PLEKHA6: variants seen among roughly 807,000 people sequenced by gnomAD.
The protein encoded by PLEKHA6 is pleckstrin homology domain-containing family A member 6.
PLEKHA6 carries 60 observed loss-of-function variants against 116.7 expected under a neutral mutation model. That is an observed-to-expected ratio of 0.51 (90% CI 0.42 to 0.64). PLEKHA6 has a LOEUF of 0.64. Among genes scored for constraint, PLEKHA6 ranks in the 30% least tolerant of loss-of-function variants. The probability of loss-of-function intolerance (pLI) is 0.00; values close to 1 mark genes in which losing one functional copy is unlikely to be tolerated. For missense variants in PLEKHA6, 1,338 were observed against 1,422.7 expected, an observed-to-expected ratio of 0.94 and a Z score of 0.96; for synonymous variants, 489 against 556.1, an observed-to-expected ratio of 0.88 and a Z score of 1.70.
intron 1 of PLEKHA6, among the ~76,000 whole-genome samples, chr1:204,284,588 A>T (rs1328016238): frequency 6.6e-6 from 1 of 152,132 alleles, no homozygotes; most frequent in Non-Finnish European, 1.5e-5. Flanking sequence ...GACTGTGCCT[A>T]GGAGAGCACT....
At chr1:204,354,890 G>T (rs1200683996) in intron 1 of PLEKHA6, among the ~76,000 whole-genome samples, 1 of 152,254 alleles carries the variant, frequency 6.6e-6, no homozygotes, top group Non-Finnish European at 1.5e-5. Flanking sequence ...GCGGACAGGG[G>T]CTGCAGGAGT....
rs1276552889 is a variant in PLEKHA6 at position 204,223,422 on chromosome 1, C to T, written c.*8+40G>A. On this transcript the variant is annotated intron_variant, in intron 22 of 22. Transcript: ENST00000272203. The surrounding 1 kb of genome is among the most constrained non-coding windows in gnomAD (Gnocchi z 4.8). ...TCAATGGGGGTGAAGGAAGGGGCCC[C>T]ACTCCCGAGGTGGATGAAATACAGT... is the stretch of plus-strand genomic sequence containing the variant. 1 of 1,148,970 alleles carries T rather than the reference C, an allele frequency of 8.7e-7. No individual in the cohort carries two copies. The highest frequency in any genetic ancestry group is 1.3e-6 in the Non-Finnish European group (1 of 779,102). 71.2% of individuals were successfully genotyped at this position (1,148,970 alleles called of 1,614,324 possible). A position where few individuals can be genotyped will look rare whatever the true frequency, so the allele number is the denominator to read the frequency against.
intron 1 of PLEKHA6, among the ~76,000 whole-genome samples, chr1:204,293,903 G>A (rs2103043096): frequency 6.6e-6 from 1 of 152,308 alleles, no homozygotes; most frequent in East Asian, 1.9e-4. Flanking sequence ...AGACTGAGAG[G>A]AAAGAGACAT....
Position 204,267,543 on chromosome 1 carries a change from C to A in PLEKHA6, c.212G>T (p.Ser71Ile). The A allele has an allele frequency of 1.9e-6, 3 of 1,613,892 alleles. No individual in the cohort carries two copies. The highest frequency in any genetic ancestry group is 2.5e-6 in the Non-Finnish European group (3 of 1,179,782). The change falls in exon 5 of 23, where the codon AGC (serine) becomes ATC (isoleucine). Residue 71 changes from serine (S) to isoleucine (I), a missense_variant. Ser to Ile is a moderately radical substitution (Grantham distance 142, BLOSUM62 -2). Transcript: ENST00000272203. The stretch of plus-strand genomic sequence containing the variant: ...CTTGTTCCACTGCTTAACCCCGGAG[C>A]TGGCCTGCGGGACATGGGAGAGGCA... ...TKAGWLFKQA[S>I]SGVKQWNKRW...
rs565786030 is a variant in PLEKHA6 at position 204,374,620 on chromosome 1, A to G, written c.83+2963T>C. Among the ~76,000 whole-genome samples the G allele has an allele frequency of 9.5e-4, 144 of 152,134 alleles. 3 individuals are homozygous for G. In the South Asian group the frequency reaches 0.028, roughly 29 times the overall value. On this transcript the variant is annotated intron_variant, in intron 1 of 4. Coordinates refer to the PLEKHA6 transcript ENST00000564627. ...GTCCCCCTCCTCTTCCATCTTTTAT[A>G]GAACCTCCTTCTGTTGAGCATCCCA...
At chr1:204,278,409 C>A (rs1668242541) in intron 1 of PLEKHA6, among the ~76,000 whole-genome samples, 1 of 152,100 alleles carries the variant, frequency 6.6e-6, no homozygotes, top group African/African-American at 2.4e-5. Flanking sequence ...CTTTTTTGAC[C>A]AACGTGGTTC....
chr1:204,248,155 C>CTTTTTTT (rs34335278), intron 12 of PLEKHA6, among the ~76,000 whole-genome samples: 9 of 95,232 alleles, frequency 9.5e-5, no homozygotes, highest in African/African-American at 1.8e-4. Context: ...GGGCAGCAGC[C>CTTTTTTT]TTTTTTTTTT....
intron 13 of PLEKHA6, among the ~76,000 whole-genome samples, chr1:204,246,374 A>G (rs367549357): frequency 6.6e-6 from 1 of 152,206 alleles, no homozygotes; most frequent in South Asian, 2.1e-4. Flanking sequence ...CCATCATCTC[A>G]ATATGGGTCT....
chr1:204,275,473 G>A (rs1189244464), intron 1 of PLEKHA6, among the ~76,000 whole-genome samples: 1 of 152,214 alleles, frequency 6.6e-6, no homozygotes, highest in East Asian at 1.9e-4. Flanking sequence ...GCTGTGGCCA[G>A]GAGAGGGGCA....
chr1:204,264,500 C>T (rs1260066625), intron 6 of PLEKHA6, among the ~76,000 whole-genome samples: 1 of 152,138 alleles, frequency 6.6e-6, no homozygotes, highest in Non-Finnish European at 1.5e-5. Flanking sequence ...GTCCAGTTTC[C>T]TGAAACCACG....
At chr1:204,327,503 G>A (rs568571740) in intron 1 of PLEKHA6, among the ~76,000 whole-genome samples, 7 of 152,366 alleles carry the variant, frequency 4.6e-5, no homozygotes, top group South Asian at 4.1e-4. Context: ...TCTCTGGCCC[G>A]CTGAGGCCCA....
At chr1:204,352,992 A>G (rs1433853331) in intron 1 of PLEKHA6, among the ~76,000 whole-genome samples, 3 of 152,186 alleles carry the variant, frequency 2.0e-5, no homozygotes, top group Non-Finnish European at 4.4e-5. Context: ...CTCAAAAATA[A>G]ATAAATCAAA....
At chr1:204,312,881 C>CTTTTA (rs1671710547) in intron 1 of PLEKHA6, among the ~76,000 whole-genome samples, 1 of 139,818 alleles carries the variant, frequency 7.2e-6, no homozygotes, top group Non-Finnish European at 1.5e-5. Context: ...CTTTTCTTTT[C>CTTTTA]TTTTCTTTTT....
intron 15 of PLEKHA6, among the ~76,000 whole-genome samples, chr1:204,244,306 A>ATGT (rs1222667283): frequency 2.8e-5 from 4 of 141,310 alleles, no homozygotes; most frequent in African/African-American, 5.2e-5. Context: ...TAATTTTTGT[A>ATGT]TTTTTTTTTT....
At chr1:204,320,430 C>T (rs941958008) in intron 1 of PLEKHA6, 12 of 935,716 alleles carry the variant, frequency 1.3e-5, no homozygotes, top group African/African-American at 5.3e-5. Flanking sequence ...GCTCAGCTCC[C>T]CAGGAGACTG....
At chr1:204,308,594 A>AG (rs1347353953) in intron 1 of PLEKHA6, among the ~76,000 whole-genome samples, 1 of 151,928 alleles carries the variant, frequency 6.6e-6, no homozygotes, top group Non-Finnish European at 1.5e-5. Context: ...ACATGTATAC[A>AG]GGGGCACATG....
chr1:204,296,780 G>A (rs949622815), intron 1 of PLEKHA6, among the ~76,000 whole-genome samples: 7 of 152,160 alleles, frequency 4.6e-5, no homozygotes, highest in Non-Finnish European at 8.8e-5. Flanking sequence ...GAAGTGCTCC[G>A]TTCTCCAGCC....
At chr1:204,253,269 C>T (rs1263627289) in intron 9 of PLEKHA6, among the ~76,000 whole-genome samples, 6 of 151,904 alleles carry the variant, frequency 3.9e-5, no homozygotes, top group African/African-American at 1.2e-4. Context: ...CTACAATGCC[C>T]ATTTTATGAT....
intron 3 of PLEKHA6, among the ~76,000 whole-genome samples, chr1:204,270,925 T>C (rs1002272036): frequency 2.0e-5 from 3 of 152,174 alleles, no homozygotes; most frequent in Non-Finnish European, 4.4e-5. Context: ...CCGTCTTCCC[T>C]TGGCCACTGT....
Sources: allele counts gnomAD v4.1 joint callset (sites outside exome capture counted in the v4.1 genomes callset), GRCh38; gene constraint gnomAD v4.1.1; non-coding constraint Gnocchi (gnomAD v3.1); transcripts MANE v1.5; gene names NCBI Gene and HGNC (gene_info 2026-07-23, HGNC 2026-07-21).